Variants in TMEM163 observed in about 807,000 individuals in gnomAD.
The protein encoded by TMEM163 is transmembrane protein 163.
A neutral mutation model predicts 29.3 loss-of-function variants in TMEM163; 17 were observed. The observed-to-expected ratio is 0.58, with a 90% CI of 0.40 to 0.87. TMEM163 has a LOEUF of 0.87. Ranked by LOEUF, TMEM163 falls within the 40% of genes least tolerant of loss-of-function variation. The pLI is 0.00. For missense variants in TMEM163, 303 were observed against 381.5 expected, an observed-to-expected ratio of 0.79 and a Z score of 1.71; for synonymous variants, 157 against 160.6, an observed-to-expected ratio of 0.98 and a Z score of 0.17.
At chr2:134,616,821 T>G (rs1246956857) in intron 2 of TMEM163, among the ~76,000 whole-genome samples, 1 of 152,192 alleles carries the variant, frequency 6.6e-6, no homozygotes, top group Non-Finnish European at 1.5e-5. Context: ...TGCAAATTCT[T>G]ATGAATTTAC....
At chr2:134,658,408 C>T (rs975400251) in intron 2 of TMEM163, among the ~76,000 whole-genome samples, 2 of 152,018 alleles carry the variant, frequency 1.3e-5, no homozygotes, top group Admixed American at 6.6e-5. Flanking sequence ...CGTAGAAAGG[C>T]GGTCAATGTA....
chr2:134,535,390 T>C (rs1161251637), intron 4 of TMEM163, among the ~76,000 whole-genome samples: 1 of 152,220 alleles, frequency 6.6e-6, no homozygotes, highest in East Asian at 1.9e-4. Flanking sequence ...GCAATTTGCT[T>C]GTTCTGTCGC....
intron 2 of TMEM163, 33 bp downstream of exon 2, chr2:134,713,167 C>T (rs1684962524): frequency 1.9e-6 from 3 of 1,606,600 alleles, no homozygotes; most frequent in South Asian, 2.2e-5. Context: ...GCAACAGCAG[C>T]ACATATTGGC....
intron 2 of TMEM163, among the ~76,000 whole-genome samples, chr2:134,581,309 T>C (rs530907028): frequency 6.6e-6 from 1 of 151,358 alleles, no homozygotes; most frequent in East Asian, 1.9e-4. Context: ...GGCCAACTAA[T>C]TTTTTTTTAA....
At chr2:134,593,402 AG>A (rs1381180840) in intron 2 of TMEM163, among the ~76,000 whole-genome samples, 1 of 109,940 alleles carries the variant, frequency 9.1e-6, no homozygotes, top group African/African-American at 4.3e-5. Flanking sequence ...TGCAGAAAAG[AG>A]CAGGCCAAAG....
chr2:134,461,561 A>G (rs1201610533), intron 6 of TMEM163, among the ~76,000 whole-genome samples: 3 of 152,222 alleles, frequency 2.0e-5, no homozygotes, highest in Non-Finnish European at 4.4e-5. Flanking sequence ...GCTTCAGCCC[A>G]GTCCCAATAG....
intron 2 of TMEM163, among the ~76,000 whole-genome samples, chr2:134,591,301 C>A (rs1681929235): frequency 6.6e-6 from 1 of 152,174 alleles, no homozygotes; most frequent in South Asian, 2.1e-4. Flanking sequence ...CAATGAGAGA[C>A]TGCTGCATTG....
chr2:134,562,274 A>G (rs919665991), intron 2 of TMEM163, among the ~76,000 whole-genome samples: 6 of 152,204 alleles, frequency 3.9e-5, no homozygotes, highest in African/African-American at 1.2e-4. Flanking sequence ...GTTGTATCAT[A>G]TTTGTCTCTA....
intron 5 of TMEM163, among the ~76,000 whole-genome samples, chr2:134,498,266 C>T (rs1001175311): frequency 1.3e-5 from 2 of 152,126 alleles, no homozygotes; most frequent in Admixed American, 1.3e-4. Context: ...CAGCGCCACC[C>T]TCCACGTGCT....
chr2:134,507,565 G>T (rs1679851864), intron 4 of TMEM163, among the ~76,000 whole-genome samples: 1 of 152,114 alleles, frequency 6.6e-6, no homozygotes, highest in Admixed American at 6.5e-5. Context: ...GTACGCTCAA[G>T]TTTAAGAACC....
intron 5 of TMEM163, among the ~76,000 whole-genome samples, chr2:134,486,826 T>A (rs978489122): frequency 7.2e-5 from 11 of 151,978 alleles, no homozygotes; most frequent in African/African-American, 2.7e-4. Context: ...GTAGGTTGAG[T>A]CCAGCAATAG....
chr2:134,614,514 A>C (rs187420414), intron 2 of TMEM163, among the ~76,000 whole-genome samples: 39 of 152,354 alleles, frequency 2.6e-4, no homozygotes, highest in Non-Finnish European at 5.3e-4. Context: ...ACTTGAGAAC[A>C]AAAGAATGCT....
At chr2:134,710,488 A>G (rs905933999) in intron 2 of TMEM163, among the ~76,000 whole-genome samples, 7 of 152,292 alleles carry the variant, frequency 4.6e-5, no homozygotes, top group Admixed American at 4.6e-4. Context: ...TGCAACTCCA[A>G]GACAACTCCC....
intron 2 of TMEM163, among the ~76,000 whole-genome samples, chr2:134,692,239 C>T (rs143631237): frequency 5.6e-4 from 85 of 152,152 alleles, no homozygotes; most frequent in Middle Eastern, 3.4e-3. Context: ...TTCAGCCCAG[C>T]GATCCTGATT....
intron 2 of TMEM163, among the ~76,000 whole-genome samples, chr2:134,583,260 G>A (rs1006915441): frequency 6.6e-6 from 1 of 152,168 alleles, no homozygotes; most frequent in Admixed American, 6.5e-5. Flanking sequence ...CCCACAAAAT[G>A]GGAGTTCTAC....
chr2:134,548,989 A>G (rs1680849417), intron 4 of TMEM163, among the ~76,000 whole-genome samples: 1 of 152,156 alleles, frequency 6.6e-6, no homozygotes, highest in South Asian at 2.1e-4. Flanking sequence ...GAAATTTTTA[A>G]AAGTCAGTTT....
intron 2 of TMEM163, among the ~76,000 whole-genome samples, chr2:134,657,551 C>T (rs964575227): frequency 2.2e-4 from 33 of 149,270 alleles, no homozygotes; most frequent in African/African-American, 8.3e-4. Context: ...GCCTGTAATC[C>T]CAACACTTTG....
At chr2:134,478,704 A>G (rs1310348105) in intron 5 of TMEM163, among the ~76,000 whole-genome samples, 2 of 152,176 alleles carry the variant, frequency 1.3e-5, no homozygotes, top group Non-Finnish European at 2.9e-5. Context: ...GCCTGGGCCC[A>G]TGGTAGGGAA....
chr2:134,480,570 T>A (rs764467916), intron 5 of TMEM163, among the ~76,000 whole-genome samples: 1 of 152,196 alleles, frequency 6.6e-6, no homozygotes, highest in Non-Finnish European at 1.5e-5. Context: ...AACATTCCCA[T>A]GACCACAGAA....
Sources: gnomAD v4.1 joint callset for allele counts (sites outside exome capture counted in the v4.1 genomes callset) on GRCh38, gnomAD v4.1.1 for gene constraint, MANE v1.5 for transcripts, NCBI Gene and HGNC (gene_info 2026-07-23, HGNC 2026-07-21) for gene names.